The following LRP5 variants were observed in gnomAD, a reference collection of about 807,000 sequenced individuals.
LRP5 encodes LDL receptor related protein 5, also known as low-density lipoprotein receptor-related protein 5.
LRP5 carries 62 observed loss-of-function variants against 154.1 expected under a neutral mutation model. The observed-to-expected ratio is 0.40, with a 90% CI of 0.33 to 0.50. The LOEUF is 0.50. LRP5 is among the 20% of genes least tolerant of loss of function. The pLI is 0.55. For missense variants in LRP5, 1,915 were observed against 2,336.7 expected (o/e 0.82, Z 3.72); for synonymous variants, 966 against 1,011.5 (o/e 0.96, Z 0.85).
chr11:68,333,688 A>C (rs1014500082), intron 1 of LRP5, among the ~76,000 whole-genome samples: 1 of 152,164 alleles, frequency 6.6e-6, no homozygotes, highest in African/African-American at 2.4e-5. Flanking sequence ...TTATTTTTTT[A>C]AATGTGGTTT....
intron 1 of LRP5, among the ~76,000 whole-genome samples, chr11:68,336,684 G>T (rs2098605891): frequency 6.6e-6 from 1 of 152,142 alleles, no homozygotes; most frequent in Non-Finnish European, 1.5e-5. Context: ...GGCGAGACTG[G>T]TCTCGAACCC....
At position 68,406,552 on chromosome 11, in the gene LRP5, G is replaced by A; in HGVS notation, c.1830G>A (p.Gly610=). Reference sequence around the variant, plus strand: ...CCAACCCGTGTGCGGACAGGAACGGGGGGTGCAGCCACCTGTGCTTCTTCA... The same window carrying A: ...CCAACCCGTGTGCGGACAGGAACGGAGGGTGCAGCCACCTGTGCTTCTTCA... ...VGTNPCADRN[G]GCSHLCFFTP... The change falls in exon 9 of 23, where the codon GGG becomes GGA. Residue 610 remains glycine (G), a synonymous_variant. Transcript: ENST00000294304. 6.2e-7 allele frequency: 1 copy of A among 1,614,148 alleles called. No homozygotes were observed. Among genetic ancestry groups the A allele is most frequent in the Non-Finnish European group, 8.5e-7 (1 of 1,180,030 alleles).
At chr11:68,345,475 C>T (rs548276811) in intron 1 of LRP5, among the ~76,000 whole-genome samples, 3 of 151,648 alleles carry the variant, frequency 2.0e-5, no homozygotes, top group South Asian at 4.2e-4. Context: ...TTAGTAGAGA[C>T]GGGGTTTCAC....
At chr11:68,371,410 C>T (rs375095229) in intron 5 of LRP5, among the ~76,000 whole-genome samples, 1 of 152,196 alleles carries the variant, frequency 6.6e-6, no homozygotes, top group Non-Finnish European at 1.5e-5. Context: ...CAGAATGGGG[C>T]GCGGGCTTCA....
In LRP5 at chr11:68,347,896, C is replaced by T. The variant is rs375980894; in HGVS notation, c.141C>T (p.Asp47=). ...ACCGCCGGGACGTACGGCTGGTGGA[C>T]GCCGGCGGAGTCAAGCTGGAGTCCA... The part of the protein sequence containing the change: ...FANRRDVRLV[D]AGGVKLESTI... Residue 47 remains aspartate, a synonymous_variant, in exon 2 of 23, where the codon GAC becomes GAT. Transcript: ENST00000294304. 153 of 1,613,252 alleles carry T rather than the reference C, an allele frequency of 9.5e-5. No individual in the cohort carries two copies. The South Asian group carries it at 1.0e-3, about 11-fold the overall frequency.
chr11:68,313,736 G>A (rs532434916), intron 1 of LRP5, among the ~76,000 whole-genome samples: 2 of 152,358 alleles, frequency 1.3e-5, no homozygotes, highest in East Asian at 3.9e-4. Context: ...CAAGTGGCAC[G>A]GCCGCAAGTG....
intron 7 of LRP5, among the ~76,000 whole-genome samples, chr11:68,392,692 A>G (rs550680398): frequency 1.4e-4 from 21 of 151,958 alleles, no homozygotes; most frequent in Non-Finnish European, 2.2e-4. Flanking sequence ...TCAACCACTA[A>G]TCTACTTTCT....
intron 3 of LRP5, among the ~76,000 whole-genome samples, chr11:68,361,076 C>T (rs544536783): frequency 1.6e-4 from 23 of 142,744 alleles, no homozygotes; most frequent in Non-Finnish European, 2.3e-4. Flanking sequence ...GAGGCTGAGA[C>T]GGGCGGATCA....
chr11:68,337,168 C>T (rs532952460), intron 1 of LRP5, among the ~76,000 whole-genome samples: 1 of 152,334 alleles, frequency 6.6e-6, no homozygotes, highest in South Asian at 2.1e-4. Context: ...ACTCGCTCCG[C>T]CAGGCATCAG....
chr11:68,389,554 A>T (rs988455215), intron 6 of LRP5, among the ~76,000 whole-genome samples: 1 of 151,752 alleles, frequency 6.6e-6, no homozygotes, highest in Non-Finnish European at 1.5e-5. Flanking sequence ...ATGTTTACCA[A>T]CGCCGACGTT....
intron 7 of LRP5, among the ~76,000 whole-genome samples, chr11:68,392,412 G>A (rs1369120379): frequency 2.0e-5 from 3 of 152,166 alleles, no homozygotes; most frequent in Non-Finnish European, 2.9e-5. Flanking sequence ...GCTGAGGCAG[G>A]AGAATCGCTT....
intron 22 of LRP5, chr11:68,446,882 A>C (rs1591339131): frequency 2.9e-6 from 1 of 343,054 alleles, no homozygotes; most frequent in Non-Finnish European, 5.7e-6. Flanking sequence ...GGCTGTGGAA[A>C]CCTAGCCATT....
intron 5 of LRP5, among the ~76,000 whole-genome samples, chr11:68,378,300 C>G (rs572422168): frequency 2.0e-4 from 30 of 152,210 alleles, no homozygotes; most frequent in Non-Finnish European, 3.5e-4. Context: ...GCTCAGGCCG[C>G]TGGGCGACGG....
In LRP5 at chr11:68,312,783, C is replaced by A; in HGVS notation, c.69C>A (p.Cys23Ter). ...LLLLLLLLAL[C>*]GCPAPAAASP... ...TGCTGCTGCTGCTGCTGGCGCTGTG[C>A]GGCTGCCCGGCCCCCGCCGCGGGTA... The change falls in exon 1 of 23, where the codon TGC (cysteine) becomes TGA (stop). Residue 23 changes from cysteine to a stop codon, truncating the protein, a stop_gained. Coordinates refer to ENST00000294304, the MANE Select transcript of LRP5 (RefSeq NM_002335.4). LOFTEE classifies it high-confidence loss of function. 9.2e-7 allele frequency: 1 copy of A among 1,082,966 alleles called. No individual in the cohort carries two copies. Among genetic ancestry groups the A allele is most frequent in the Non-Finnish European group, 1.1e-6 (1 of 888,662 alleles). The allele number at this position is 1,082,966 out of a possible 1,614,324, so 67.1% of individuals were successfully genotyped here.
chr11:68,301,919 C>CGTGCGGCCATTTTTTGTATT, the LRP5 span, among the ~76,000 whole-genome samples: 1 of 151,996 alleles, frequency 6.6e-6, no homozygotes, highest in African/African-American at 2.4e-5. Context: ...TGAGCCACCG[C>CGTGCGGCCATTTTTTGTATT]TCCCAGCCCA....
intron 16 of LRP5, among the ~76,000 whole-genome samples, chr11:68,426,998 C>T (rs572138933): frequency 6.6e-6 from 1 of 152,342 alleles, no homozygotes; most frequent in South Asian, 2.1e-4. Context: ...TCTGCCTCAG[C>T]AGTGGGGGCT....
chr11:68,363,859 A>T lies in LRP5; in HGVS notation c.799A>T (p.Thr267Ser). Residue 267 changes from threonine (T) to serine (S), a missense_variant, in exon 4 of 23, where the codon ACT becomes TCT. This residue lies in a region of LRP5 where 773 missense variants were observed against 1,100.9 expected (regional missense o/e 0.70). Transcript: ENST00000294304. ...CTCCATCCATGCCTGCAACAAGCGC[A>T]CTGGGGGGAAGAGGAAGGAGATCCT... ...TRSIHACNKR[T>S]GGKRKEILSA... is the part of the protein sequence containing the mutation. The T allele has an allele frequency of 1.2e-6, 2 of 1,612,992 alleles. No homozygotes were observed. The highest frequency in any genetic ancestry group is 1.7e-6 in the Non-Finnish European group (2 of 1,179,838).
chr11:68,321,177 C>T (rs1164456401), intron 1 of LRP5, among the ~76,000 whole-genome samples: 2 of 149,544 alleles, frequency 1.3e-5, no homozygotes, highest in Non-Finnish European at 2.9e-5. Flanking sequence ...AAATGCTGCT[C>T]TTTTATGTGT....
chr11:68,424,474 G>T (rs2153173532), intron 14 of LRP5, among the ~76,000 whole-genome samples: 1 of 152,288 alleles, frequency 6.6e-6, no homozygotes, highest in East Asian at 1.9e-4. Flanking sequence ...GTGGGCGGAA[G>T]CCCCGGGTCT....
Sources: gnomAD v4.1 joint callset for allele counts (sites outside exome capture counted in the v4.1 genomes callset) on GRCh38, gnomAD v4.1.1 for gene constraint, gnomAD v4.1.1 regional missense constraint, MANE v1.5 for transcripts, NCBI Gene and HGNC (gene_info 2026-07-23, HGNC 2026-07-21) for gene names.